The following RNLS variants were observed in gnomAD, a reference collection of about 807,000 sequenced individuals.
RNLS encodes the protein renalase.
A neutral mutation model predicts 39.8 loss-of-function variants in RNLS; 39 were observed. The ratio of observed to expected loss-of-function variants is 0.98; its 90% CI spans 0.76 to 1.28. The LOEUF is 1.28. Among genes scored for constraint, RNLS ranks in the 50% most tolerant of loss-of-function variants. RNLS has a pLI of 0.00. For missense variants in RNLS, 410 were observed against 413.3 expected, an observed-to-expected ratio of 0.99 and a Z score of 0.07; for synonymous variants, 147 against 150.7, an observed-to-expected ratio of 0.98 and a Z score of 0.18.
the RNLS span, among the ~76,000 whole-genome samples, chr10:88,224,478 C>T: frequency 6.6e-6 from 1 of 152,168 alleles, no homozygotes; most frequent in Non-Finnish European, 1.5e-5. Flanking sequence ...CCAAACCCCG[C>T]CATGATATCT....
rs148161664 is a variant in RNLS, at chr10:88,316,227, A to G, written c.701-1586T>C. On this transcript the variant is annotated intron_variant, in intron 5 of 6. Coordinates refer to ENST00000331772, the MANE Select transcript of RNLS (RefSeq NM_001031709.3). ...CCTCACAGTAGCTGGAACAACTTGA[A>G]AGAGGAAATAGAGGGGCCATCTCTT... Among the ~76,000 whole-genome samples, 413 of 152,306 alleles carry G rather than the reference A, an allele frequency of 2.7e-3. 2 individuals carry two copies. Among genetic ancestry groups the G allele is most frequent in the African/African-American group, 8.4e-3 (350 of 41,564 alleles).
chr10:88,275,103 C>G, intron 6 of RNLS: 1 of 1,108,254 alleles, frequency 9.0e-7, no homozygotes, highest in Non-Finnish European at 1.4e-6. Flanking sequence ...CTTGTCTACA[C>G]TAATAGTGGT....
intron 4 of RNLS, among the ~76,000 whole-genome samples, chr10:88,471,329 C>A (rs893254136): frequency 6.6e-6 from 1 of 152,096 alleles, no homozygotes; most frequent in African/African-American, 2.4e-5. Flanking sequence ...TGGATTTCTA[C>A]AGAATAAACT....
chr10:88,299,406 T>C (rs1048587914), intron 6 of RNLS, among the ~76,000 whole-genome samples: 8 of 152,150 alleles, frequency 5.3e-5, no homozygotes, highest in African/African-American at 1.9e-4. Flanking sequence ...GCGGATCACT[T>C]GAGGTCAGGA....
chr10:88,526,212 G>A (rs1186736239), intron 4 of RNLS, among the ~76,000 whole-genome samples: 1 of 151,266 alleles, frequency 6.6e-6, no homozygotes, highest in Non-Finnish European at 1.5e-5. Context: ...GCAGCAAATG[G>A]TCACCTTGAG....
chr10:88,577,733 T>C (rs985113779), intron 3 of RNLS, among the ~76,000 whole-genome samples: 24 of 152,176 alleles, frequency 1.6e-4, no homozygotes, highest in African/African-American at 5.8e-4. Flanking sequence ...TTGATGCCAA[T>C]AAATACAGCT....
chr10:88,456,682 T>G (rs768723045), intron 4 of RNLS, among the ~76,000 whole-genome samples: 5 of 152,140 alleles, frequency 3.3e-5, no homozygotes, highest in Non-Finnish European at 7.4e-5. Context: ...TTGTGGGGAC[T>G]CTCATGAGTC....
At chr10:88,375,501 T>C (rs1850914937) in intron 4 of RNLS, among the ~76,000 whole-genome samples, 1 of 152,184 alleles carries the variant, frequency 6.6e-6, no homozygotes, top group South Asian at 2.1e-4. Context: ...ATTGTATCAA[T>C]GATAAACTTT....
At chr10:88,433,745 T>C (rs929840230) in intron 4 of RNLS, among the ~76,000 whole-genome samples, 1 of 152,074 alleles carries the variant, frequency 6.6e-6, no homozygotes, top group Non-Finnish European at 1.5e-5. Context: ...GCAGAGGCAA[T>C]GGCATTTACT....
the RNLS span, among the ~76,000 whole-genome samples, chr10:88,195,442 C>T: frequency 3.3e-5 from 5 of 152,156 alleles, no homozygotes; most frequent in Non-Finnish European, 5.9e-5. Context: ...TTGCTACCCT[C>T]CATTGCCTGG....
At chr10:88,575,145 TATATATATATATATACAC>T (rs1305594865) in intron 3 of RNLS, among the ~76,000 whole-genome samples, 6 of 33,998 alleles carry the variant, frequency 1.8e-4, no homozygotes, top group Admixed American at 3.6e-4. Flanking sequence ...TATATATATA[TATATATATATATATACAC>T]ACACACACAC....
At chr10:88,178,858 G>C in the RNLS span, among the ~76,000 whole-genome samples, 1 of 152,178 alleles carries the variant, frequency 6.6e-6, no homozygotes, top group African/African-American at 2.4e-5. Flanking sequence ...TAGGATTGTT[G>C]AGGGAGCTCT....
the RNLS span, among the ~76,000 whole-genome samples, chr10:88,231,161 C>T: frequency 1.3e-5 from 2 of 152,198 alleles, no homozygotes; most frequent in Non-Finnish European, 2.9e-5. Context: ...CTCAGTACCT[C>T]AGAATGTGAC....
intron 4 of RNLS, among the ~76,000 whole-genome samples, chr10:88,495,609 G>C (rs369032374): frequency 6.6e-6 from 1 of 152,124 alleles, no homozygotes; most frequent in African/African-American, 2.4e-5. Context: ...GGATGAGAGA[G>C]GAGGAAAATT....
At chr10:88,266,318 G>A in the RNLS span, among the ~76,000 whole-genome samples, 1 of 152,118 alleles carries the variant, frequency 6.6e-6, no homozygotes, top group Non-Finnish European at 1.5e-5. Context: ...GAAACATAGG[G>A]CAGTGGAAAA....
chr10:88,269,331 T>A (rs1433344584), downstream of RNLS, among the ~76,000 whole-genome samples: 1 of 152,212 alleles, frequency 6.6e-6, no homozygotes, highest in Non-Finnish European at 1.5e-5. Flanking sequence ...GAATAGGTTG[T>A]CTATATGTAA....
intron 4 of RNLS, among the ~76,000 whole-genome samples, chr10:88,378,441 T>TAAAA (rs1051708843): frequency 6.6e-6 from 1 of 152,156 alleles, no homozygotes; most frequent in African/African-American, 2.4e-5. Context: ...AAAGCCAGCT[T>TAAAA]AAAAATATTA....
At chr10:88,293,809 G>C (rs1843864178) in intron 6 of RNLS, among the ~76,000 whole-genome samples, 1 of 152,186 alleles carries the variant, frequency 6.6e-6, no homozygotes, top group Non-Finnish European at 1.5e-5. Context: ...GGCTAGGGAG[G>C]AGCTAATGTG....
chr10:88,365,095 G>C (rs1161512320), intron 4 of RNLS, among the ~76,000 whole-genome samples: 1 of 151,810 alleles, frequency 6.6e-6, no homozygotes, highest in African/African-American at 2.4e-5. Context: ...CCTTTGAAAA[G>C]GTAATTGATA....
Sources: allele counts gnomAD v4.1 joint callset (sites outside exome capture counted in the v4.1 genomes callset), GRCh38; gene constraint gnomAD v4.1.1; transcripts MANE v1.5; gene names NCBI Gene and HGNC (gene_info 2026-07-23, HGNC 2026-07-21).